The following ZNF578 variants were observed in gnomAD, a reference collection of about 807,000 sequenced individuals.
ZNF578 encodes Putative chemokine-related protein B42.
Under a neutral mutation model 8.3 loss-of-function variants are expected in ZNF578, and 8 were observed. The ratio of observed to expected loss-of-function variants is 0.96; its 90% confidence interval spans 0.56 to 1.74. The LOEUF (loss-of-function observed/expected upper bound fraction) is 1.74. Among genes scored for constraint, ZNF578 ranks in the 40% most tolerant of loss-of-function variants. The probability of loss-of-function intolerance (pLI) is 0.00; values close to 1 mark genes in which losing one functional copy is unlikely to be tolerated. For missense variants in ZNF578, 726 were observed against 707.5 expected (o/e 1.03, Z -0.30); for synonymous variants, 206 against 232.2 (o/e 0.89, Z 1.03).
At chr19:52,501,681 T>C in intron 3 of ZNF578, 146 bp from the exon 4 acceptor site, 1 of 802,158 alleles carries the variant, frequency 1.2e-6, no homozygotes, top group Non-Finnish European at 1.9e-6. Flanking sequence ...CCTGTGGGAC[T>C]TTCTTATGTC....
intron 2 of ZNF578, among the ~76,000 whole-genome samples, chr19:52,476,661 A>G (rs778253830): frequency 2.0e-5 from 3 of 152,182 alleles, no homozygotes; most frequent in Non-Finnish European, 2.9e-5. Context: ...TGATAGCTAT[A>G]TTTGCAACAT....
In ZNF578 at chr19:52,511,465, C is replaced by T. The variant is rs200994015; in HGVS notation, c.1084C>T (p.Arg362Cys). ...FSYKSSLRCH[R>C]RLHTGIKPYK... is the part of the protein sequence containing the mutation. ...TTACAAGTCATCCCTTAGATGCCATCGTAGACTTCATACTGGAATAAAACC... is the reference window on the plus strand; with the variant it reads ...TTACAAGTCATCCCTTAGATGCCATTGTAGACTTCATACTGGAATAAAACC... Residue 362 changes from arginine (R) to cysteine (C), a missense_variant, in exon 6 of 6, where the codon CGT becomes TGT. By Grantham distance (180) the Arg-to-Cys change is radical (BLOSUM62 -3). Transcript: ENST00000421239. The T allele has an allele frequency of 2.9e-4, 466 of 1,614,066 alleles. No individual in the cohort carries two copies. Among genetic ancestry groups the T allele is most frequent in the Middle Eastern group, 1.2e-3 (7 of 6,062 alleles).
In ZNF578 at chr19:52,514,079, A is replaced by G. The variant is rs190851471; in HGVS notation, c.*1925A>G. On this transcript the variant is annotated 3_prime_UTR_variant, in exon 6 of 6. Coordinates refer to ENST00000421239, the MANE Select transcript of ZNF578 (RefSeq NM_001099694.2). ...AAAATGCTTTTGTTCTCGTTGTGTC[A>G]TAGACTTCCCTTTTTTTTCCTTCTG... 1.3e-5 allele frequency among the ~76,000 whole-genome samples: 2 copies of G among 152,298 alleles called. No individual in the cohort carries two copies. Among genetic ancestry groups the G allele is most frequent in the East Asian group, 3.8e-4 (2 of 5,196 alleles).
At chr19:52,500,068 CA>C (rs2059401154) in intron 3 of ZNF578, among the ~76,000 whole-genome samples, 3 of 152,152 alleles carry the variant, frequency 2.0e-5, no homozygotes, top group Non-Finnish European at 1.5e-5. Context: ...AAGTGACAAG[CA>C]GCCTTTCTTT....
intron 2 of ZNF578, among the ~76,000 whole-genome samples, chr19:52,485,777 T>G (rs1468217335): frequency 2.6e-5 from 4 of 152,062 alleles, no homozygotes; most frequent in Admixed American, 2.6e-4. Flanking sequence ...AGTATGCTTG[T>G]TAAAAGTCAT....
chr19:52,504,902 TG>T, intron 5 of ZNF578, 121 bp downstream of exon 5: 1 of 1,536,802 alleles, frequency 6.5e-7, no homozygotes. Flanking sequence ...ATTGTTTGTT[TG>T]GTTTGAGATG....
chr19:52,474,155 G>C, intron 2 of ZNF578: 1 of 319,322 alleles, frequency 3.1e-6, no homozygotes, highest in South Asian at 2.9e-5. Flanking sequence ...ACATTTGTAA[G>C]GTTTCTTTCC....
At chr19:52,460,947 GTCTC>G (rs1025419563) in intron 2 of ZNF578, among the ~76,000 whole-genome samples, 1 of 152,016 alleles carries the variant, frequency 6.6e-6, no homozygotes, top group Non-Finnish European at 1.5e-5. Flanking sequence ...ATGGTGTCTG[GTCTC>G]TCTCCAGAGG....
chr19:52,482,807 C>T (rs1418773920), intron 2 of ZNF578, among the ~76,000 whole-genome samples: 1 of 151,578 alleles, frequency 6.6e-6, no homozygotes, highest in Admixed American at 6.6e-5. Context: ...TGTGGTGGTA[C>T]ATGCCTCTAA....
intron 2 of ZNF578, among the ~76,000 whole-genome samples, chr19:52,485,938 C>T (rs985599971): frequency 1.3e-5 from 2 of 152,102 alleles, no homozygotes; most frequent in African/African-American, 4.8e-5. Flanking sequence ...CCCGACCATC[C>T]CCCAGCCCGA....
At chr19:52,472,201 C>T (rs2059294104) in intron 2 of ZNF578, among the ~76,000 whole-genome samples, 1 of 152,100 alleles carries the variant, frequency 6.6e-6, no homozygotes, top group East Asian at 1.9e-4. Context: ...GACCAGCCTG[C>T]CCAACATGGT....
At chr19:52,477,992 G>A (rs1239614254) in intron 2 of ZNF578, among the ~76,000 whole-genome samples, 1 of 152,210 alleles carries the variant, frequency 6.6e-6, no homozygotes, top group Non-Finnish European at 1.5e-5. Context: ...GCACACTGCT[G>A]ATAAGCAGCG....
Position 52,512,142 on chromosome 19 carries a change from C to T in ZNF578, c.1761C>T (p.Cys587=), listed in dbSNP as rs374996727. The T allele has an allele frequency of 7.7e-4, 1,235 of 1,613,626 alleles. 1 individual carries two copies. The highest frequency in any genetic ancestry group is 9.0e-4 in the Non-Finnish European group (1,063 of 1,179,814). ...TGATTGATTCATCAATCAAGCCTTG[C>T]ATGTCATCATAGACTTCATACTGGA... is the stretch of plus-strand genomic sequence containing the variant. ...NHLIDSSIKP[C]MSS Residue 587 remains cysteine, a synonymous_variant, in exon 6 of 6, where the codon TGC becomes TGT. Coordinates refer to ENST00000421239, the MANE Select transcript of ZNF578 (RefSeq NM_001099694.2).
rs376652374 is a variant in ZNF578, at chr19:52,510,706, G to T, written c.325G>T (p.Asp109Tyr). Residue 109 changes from aspartate (D) to tyrosine (Y), a missense_variant, in exon 6 of 6, where the codon GAT becomes TAT. Transcript: ENST00000421239. ...TTTTTGCTTCCAGGAAATTGAAAAA[G>T]ATATTCATGACTTTGAGTTTCAGTC... ...GDFCFQEIEKDIHDFEFQSQK... is the reference protein window; with the variant it reads ...GDFCFQEIEKYIHDFEFQSQK... 341 of 1,612,766 alleles carry T rather than the reference G, an allele frequency of 2.1e-4. No homozygotes were observed. The highest frequency in any genetic ancestry group is 2.8e-4 in the Non-Finnish European group (334 of 1,179,698).
intron 2 of ZNF578, among the ~76,000 whole-genome samples, chr19:52,475,934 CAT>C (rs2059307046): frequency 6.6e-6 from 1 of 152,158 alleles, no homozygotes; most frequent in Non-Finnish European, 1.5e-5. Flanking sequence ...CAGTAGGAAA[CAT>C]ATTCCAAGGC....
intron 3 of ZNF578, among the ~76,000 whole-genome samples, chr19:52,500,163 T>A (rs324747): frequency 1.3e-5 from 2 of 152,058 alleles, no homozygotes; most frequent in South Asian, 4.1e-4. Context: ...GGCTGTGAAA[T>A]CAGAAAATCT....
intron 2 of ZNF578, among the ~76,000 whole-genome samples, chr19:52,469,751 G>T (rs2059286320): frequency 6.6e-6 from 1 of 152,064 alleles, no homozygotes; most frequent in African/African-American, 2.4e-5. Flanking sequence ...AAGTTCCCTG[G>T]TAAAAAATGA....
intron 2 of ZNF578, among the ~76,000 whole-genome samples, chr19:52,467,383 A>G (rs934107586): frequency 1.3e-5 from 2 of 152,120 alleles, no homozygotes; most frequent in African/African-American, 4.8e-5. Context: ...GTGAGCTGAG[A>G]TCGCACCACT....
rs983604336 is a variant in ZNF578, at chr19:52,484,445, G to A, written c.-121-6879G>A. Reference sequence around the variant, plus strand: ...GGTCAGGTCTTTCCCTTCCCACGAGGCCATATTTCAGAATATCACATGGGG... The same window carrying A: ...GGTCAGGTCTTTCCCTTCCCACGAGACCATATTTCAGAATATCACATGGGG... On this transcript the variant is annotated intron_variant, in intron 2 of 5. Coordinates refer to ENST00000421239, the MANE Select transcript of ZNF578 (RefSeq NM_001099694.2). 4.6e-5 allele frequency among the ~76,000 whole-genome samples: 7 copies of A among 152,212 alleles called. No homozygotes were observed. In the East Asian group the frequency reaches 7.8e-4, roughly 17 times the overall value.
Sources: gnomAD v4.1 joint callset for allele counts (sites outside exome capture counted in the v4.1 genomes callset) on GRCh38, gnomAD v4.1.1 for gene constraint, MANE v1.5 for transcripts, NCBI Gene and HGNC (gene_info 2026-07-23, HGNC 2026-07-21) for gene names.